The following ZNF704 variants were observed in gnomAD, a reference collection of about 807,000 sequenced individuals.
ZNF704 encodes the protein glucocorticoid induced gene 1.
A neutral mutation model predicts 44.7 loss-of-function variants in ZNF704; 10 were observed. The observed-to-expected ratio is 0.22, with a 90% confidence interval of 0.14 to 0.38. The LOEUF (loss-of-function observed/expected upper bound fraction) is 0.38. Ranked by LOEUF, ZNF704 falls within the 10% of genes least tolerant of loss-of-function variation. ZNF704 has a pLI of 1.00. For missense variants in ZNF704, 390 were observed against 545.5 expected, an observed-to-expected ratio of 0.71 and a Z score of 2.84; for synonymous variants, 211 against 207.6, an observed-to-expected ratio of 1.02 and a Z score of -0.14.
At chr8:80,721,048 T>C (rs1177902568) in intron 2 of ZNF704, among the ~76,000 whole-genome samples, 2 of 152,212 alleles carry the variant, frequency 1.3e-5, no homozygotes, top group Non-Finnish European at 2.9e-5. Context: ...TATCTCACCG[T>C]ACTTTGATTG....
At chr8:80,688,180 C>A (rs1367996691) in intron 3 of ZNF704, among the ~76,000 whole-genome samples, 2 of 151,770 alleles carry the variant, frequency 1.3e-5, no homozygotes, top group African/African-American at 2.4e-5. Context: ...TGCACTCTAG[C>A]CTGGGTGAAA....
intron 2 of ZNF704, among the ~76,000 whole-genome samples, chr8:80,752,829 C>G (rs1806970469): frequency 6.6e-6 from 1 of 152,244 alleles, no homozygotes; most frequent in Non-Finnish European, 1.5e-5. Context: ...GCATGAGCCA[C>G]CGCGCCTGGC....
At chr8:80,868,089 G>C (rs973680008) in intron 1 of ZNF704, among the ~76,000 whole-genome samples, 2 of 152,282 alleles carry the variant, frequency 1.3e-5, no homozygotes, top group African/African-American at 4.8e-5. Flanking sequence ...CCTTCACTGA[G>C]TAACAATTTA....
chr8:80,712,397 A>T, intron 2 of ZNF704, among the ~76,000 whole-genome samples: 1 of 152,242 alleles, frequency 6.6e-6, no homozygotes, highest in East Asian at 1.9e-4. Flanking sequence ...AGATAGGCTC[A>T]ATCTTATAGA....
chr8:80,794,991 G>A (rs531616213), intron 2 of ZNF704, among the ~76,000 whole-genome samples: 33 of 152,326 alleles, frequency 2.2e-4, no homozygotes, highest in Non-Finnish European at 3.8e-4. Context: ...AGACAGAAGT[G>A]CATAGGATAA....
At chr8:80,867,792 A>G (rs1389281397) in intron 1 of ZNF704, among the ~76,000 whole-genome samples, 23 of 152,238 alleles carry the variant, frequency 1.5e-4, no homozygotes, top group Admixed American at 1.5e-3. Context: ...ACCATCCCTG[A>G]AGAACTGGCA....
intron 2 of ZNF704, among the ~76,000 whole-genome samples, chr8:80,798,782 T>G (rs991717818): frequency 1.3e-5 from 2 of 152,244 alleles, no homozygotes; most frequent in African/African-American, 4.8e-5. Flanking sequence ...CAGTACCTTT[T>G]TCTGTCTTAG....
chr8:80,753,364 A>C (rs1321065089), intron 2 of ZNF704, among the ~76,000 whole-genome samples: 1 of 152,178 alleles, frequency 6.6e-6, no homozygotes, highest in Non-Finnish European at 1.5e-5. Context: ...TCATGAGGAA[A>C]CAATCTTCCT....
intron 1 of ZNF704, among the ~76,000 whole-genome samples, chr8:80,834,269 T>C (rs950226767): frequency 6.6e-6 from 1 of 152,114 alleles, no homozygotes; most frequent in Admixed American, 6.5e-5. Context: ...TAGTGTTCCA[T>C]GACTTTCAGT....
At chr8:80,689,596 G>T (rs1312372120) in intron 3 of ZNF704, among the ~76,000 whole-genome samples, 2 of 152,172 alleles carry the variant, frequency 1.3e-5, no homozygotes, top group South Asian at 2.1e-4. Flanking sequence ...GGCAGGCCCG[G>T]GTGGCTTACA....
intron 2 of ZNF704, among the ~76,000 whole-genome samples, chr8:80,721,682 A>G (rs1819169499): frequency 6.6e-6 from 1 of 152,176 alleles, no homozygotes; most frequent in African/African-American, 2.4e-5. Context: ...CAAATTGACT[A>G]GGCAGTTTTT....
At chr8:80,797,023 G>T (rs1807817529) in intron 2 of ZNF704, among the ~76,000 whole-genome samples, 1 of 151,252 alleles carries the variant, frequency 6.6e-6, no homozygotes, top group South Asian at 2.1e-4. Flanking sequence ...AAGCAAAGGA[G>T]GGAATAGCCC....
At chr8:80,703,114 G>A (rs1818838173) in intron 2 of ZNF704, among the ~76,000 whole-genome samples, 1 of 152,094 alleles carries the variant, frequency 6.6e-6, no homozygotes, top group African/African-American at 2.4e-5. Context: ...GGCCCTCTCT[G>A]CTCTGGTCTC....
At chr8:80,823,402 T>G (rs944494378) in intron 1 of ZNF704, among the ~76,000 whole-genome samples, 9 of 151,912 alleles carry the variant, frequency 5.9e-5, no homozygotes, top group Non-Finnish European at 2.9e-5. Flanking sequence ...GAGGCTTGAG[T>G]AGGTAAGCAC....
At chr8:80,797,000 G>GAAGC (rs778887111) in intron 2 of ZNF704, among the ~76,000 whole-genome samples, 7,896 of 147,990 alleles carry the variant, frequency 0.053, 195 homozygotes, top group Middle Eastern at 0.13. Flanking sequence ...AGGAAGGAAG[G>GAAGC]AAGCAAGCAA....
chr8:80,799,996 AAAC>A (rs1366261595), intron 2 of ZNF704, among the ~76,000 whole-genome samples: 2 of 152,214 alleles, frequency 1.3e-5, no homozygotes, highest in South Asian at 2.1e-4. Flanking sequence ...GAGCTGAAGA[AAAC>A]AACATGAGAA....
the ZNF704 span, among the ~76,000 whole-genome samples, chr8:80,881,771 T>C: frequency 1.3e-5 from 2 of 151,958 alleles, no homozygotes; most frequent in Non-Finnish European, 2.9e-5. Flanking sequence ...CTACTAAAAA[T>C]ACAAAAATTA....
intron 2 of ZNF704, among the ~76,000 whole-genome samples, chr8:80,779,222 G>A (rs921681849): frequency 6.6e-6 from 1 of 151,010 alleles, no homozygotes; most frequent in African/African-American, 2.4e-5. Flanking sequence ...CAGGCCAGTT[G>A]TTTTACATAA....
At chr8:80,701,391 A>T (rs1423532296) in intron 2 of ZNF704, among the ~76,000 whole-genome samples, 2 of 151,770 alleles carry the variant, frequency 1.3e-5, no homozygotes, top group Non-Finnish European at 2.9e-5. Flanking sequence ...CTCCTAGATT[A>T]TAGAGAGAAT....
Sources: gnomAD v4.1 joint callset for allele counts (sites outside exome capture counted in the v4.1 genomes callset) on GRCh38, gnomAD v4.1.1 for gene constraint, MANE v1.5 for transcripts, NCBI Gene and HGNC (gene_info 2026-07-23, HGNC 2026-07-21) for gene names.